ANTXR1: variants seen among roughly 807,000 people sequenced by gnomAD.
ANTXR1 encodes ANTXR cell adhesion molecule 1.
ANTXR1 carries 19 observed loss-of-function variants against 78.1 expected under a neutral mutation model. That is an observed-to-expected ratio of 0.24 (90% CI 0.17 to 0.36). ANTXR1 has a LOEUF of 0.36. ANTXR1 is among the 10% of genes least tolerant of loss of function. The pLI, the probability that ANTXR1 is intolerant of heterozygous loss-of-function variation, is 1.00. For synonymous variants in ANTXR1, 273 were observed against 260.5 expected (o/e 1.05, Z -0.46); for missense variants, 518 against 718.6 (o/e 0.72, Z 3.19).
At chr2:69,182,427 G>A in intron 15 of ANTXR1, 66 bp from the exon 16 acceptor site, 1 of 1,579,750 alleles carries the variant, frequency 6.3e-7, no homozygotes, top group South Asian at 1.1e-5. Flanking sequence ...GCATGTATTT[G>A]TCATTCTCAT....
chr2:69,156,792 C>A (rs1673538487), intron 13 of ANTXR1, among the ~76,000 whole-genome samples: 1 of 152,224 alleles, frequency 6.6e-6, no homozygotes, highest in Admixed American at 6.5e-5. Context: ...AACCCCACCG[C>A]CATGATCCAA....
At chr2:69,202,702 G>A (rs1295122068) in intron 17 of ANTXR1, among the ~76,000 whole-genome samples, 2 of 152,212 alleles carry the variant, frequency 1.3e-5, no homozygotes, top group Non-Finnish European at 2.9e-5. Flanking sequence ...GGACATCCCT[G>A]TGGGAAGTGA....
intron 12 of ANTXR1, 119 bp downstream of exon 12, chr2:69,124,762 T>C: frequency 9.8e-7 from 1 of 1,015,284 alleles, no homozygotes; most frequent in South Asian, 1.3e-5. Context: ...TCGTTCTGCT[T>C]GCTGAGCTTT....
At chr2:69,229,739 T>G (rs1227469789) in intron 17 of ANTXR1, among the ~76,000 whole-genome samples, 2 of 151,830 alleles carry the variant, frequency 1.3e-5, no homozygotes, top group African/African-American at 4.8e-5. Context: ...TGGTGGTTTT[T>G]TTTTTTTTTT....
intron 13 of ANTXR1, among the ~76,000 whole-genome samples, chr2:69,155,898 A>G (rs749982185): frequency 5.9e-5 from 9 of 152,116 alleles, no homozygotes; most frequent in Non-Finnish European, 8.8e-5. Flanking sequence ...GGCTGCCCCA[A>G]ATGAGAAATC....
At chr2:69,169,985 G>C (rs1673935330) in intron 13 of ANTXR1, among the ~76,000 whole-genome samples, 1 of 152,252 alleles carries the variant, frequency 6.6e-6, no homozygotes, top group Non-Finnish European at 1.5e-5. Context: ...AAATGAAACT[G>C]TGACCTGTGG....
intron 17 of ANTXR1, among the ~76,000 whole-genome samples, chr2:69,213,435 G>A (rs140878810): frequency 6.6e-4 from 101 of 152,266 alleles, no homozygotes; most frequent in East Asian, 2.9e-3. Context: ...ATGGCCAGTC[G>A]GTTTAACAAA....
At chr2:69,035,678 A>C (rs930700537) in intron 1 of ANTXR1, among the ~76,000 whole-genome samples, 1 of 152,236 alleles carries the variant, frequency 6.6e-6, no homozygotes, top group Admixed American at 6.5e-5. Flanking sequence ...TGTGTAAAGA[A>C]TGATCACTTA....
At position 69,198,315 on chromosome 2, in the gene ANTXR1, G is replaced by A. The variant is rs537883907; in HGVS notation, c.1434+4900G>A. Among the ~76,000 whole-genome samples the A allele has an allele frequency of 1.5e-4, 23 of 152,162 alleles. No individual in the cohort carries two copies. The South Asian group carries it at 4.4e-3, about 29-fold the overall frequency. On this transcript the variant is annotated intron_variant, in intron 17 of 17. Transcript: ENST00000303714. ...CTATTTGATTGATAGGTGCTAATTT[G>A]TATTTTTTATTATTACTGAGGTAGA...
At chr2:69,103,647 G>C (rs1314639843) in intron 10 of ANTXR1, 1 of 156,694 alleles carries the variant, frequency 6.4e-6, no homozygotes, top group Admixed American at 6.4e-5. Flanking sequence ...AAAGATGTAC[G>C]TGATTCATGT....
intron 1 of ANTXR1, among the ~76,000 whole-genome samples, chr2:69,027,634 G>GTGTGTT (rs1488066399): frequency 2.7e-5 from 4 of 145,736 alleles, no homozygotes; most frequent in African/African-American, 1.1e-4. Context: ...GTGTGTGTGT[G>GTGTGTT]TGTGTATGTG....
intron 12 of ANTXR1, chr2:69,145,201 C>CG (rs1248327184): frequency 3.2e-5 from 30 of 925,930 alleles, no homozygotes; most frequent in Non-Finnish European, 4.7e-5. Context: ...GGCAGAGTTA[C>CG]GGGGGGCTGA....
rs1033972415 is a variant in ANTXR1, at chr2:69,123,070, T to C, written c.856T>C (p.Leu286=). The change falls in exon 11 of 18, where the codon TTA becomes CTA. Residue 286 remains leucine (L), a synonymous_variant. Coordinates refer to ENST00000303714, the MANE Select transcript of ANTXR1 (RefSeq NM_032208.3). The part of the protein sequence containing the change: ...DTYLLCPAPI[L]KEVGMKAALQ... ...TTATTTACTGTGTCCAGCGCCTATC[T>C]TAAAAGAAGTTGGCATGTAAGTTTT... The C allele has an allele frequency of 6.2e-7, 1 of 1,614,026 alleles. No individual in the cohort carries two copies. The highest frequency in any genetic ancestry group is 8.5e-7 in the Non-Finnish European group (1 of 1,180,044).
intron 16 of ANTXR1, among the ~76,000 whole-genome samples, chr2:69,183,221 G>T (rs1674322647): frequency 6.6e-6 from 1 of 152,002 alleles, no homozygotes; most frequent in South Asian, 2.1e-4. Flanking sequence ...GTGTATCAGG[G>T]CCCACCAGCA....
At chr2:69,140,618 A>G (rs997802542) in intron 12 of ANTXR1, among the ~76,000 whole-genome samples, 2 of 152,124 alleles carry the variant, frequency 1.3e-5, no homozygotes, top group Non-Finnish European at 2.9e-5. Context: ...AGATTATAAG[A>G]TTTTCTTTTG....
intron 13 of ANTXR1, among the ~76,000 whole-genome samples, chr2:69,156,063 A>G (rs1406556721): frequency 6.6e-6 from 1 of 152,046 alleles, no homozygotes; most frequent in Non-Finnish European, 1.5e-5. Flanking sequence ...GATATCAGTC[A>G]CCTCAGAAGA....
At chr2:69,116,625 A>G (rs182702046) in intron 10 of ANTXR1, among the ~76,000 whole-genome samples, 1 of 152,336 alleles carries the variant, frequency 6.6e-6, no homozygotes, top group African/African-American at 2.4e-5. Context: ...AGCTCATTTC[A>G]GTCCCTAACC....
At chr2:69,049,441 G>A (rs1573810976) in intron 3 of ANTXR1, among the ~76,000 whole-genome samples, 2 of 152,016 alleles carry the variant, frequency 1.3e-5, no homozygotes, top group Non-Finnish European at 1.5e-5. Context: ...CTCCCTAGTA[G>A]CTGGGATTAC....
At chr2:69,235,723 A>G (rs546680400) in intron 17 of ANTXR1, among the ~76,000 whole-genome samples, 7,270 of 149,040 alleles carry the variant, frequency 0.049, 670 homozygotes, top group African/African-American at 0.17. Flanking sequence ...AAACTTATTT[A>G]ACTTCTGTAC....
Sources: gnomAD v4.1 joint callset for allele counts (sites outside exome capture counted in the v4.1 genomes callset) on GRCh38, gnomAD v4.1.1 for gene constraint, MANE v1.5 for transcripts, NCBI Gene and HGNC (gene_info 2026-07-23, HGNC 2026-07-21) for gene names.